SVIL: variants seen among roughly 807,000 people sequenced by gnomAD.
The protein encoded by SVIL is archvillin.
A neutral mutation model predicts 240.4 loss-of-function variants in SVIL; 101 were observed. The ratio of observed to expected loss-of-function variants is 0.42; its 90% confidence interval spans 0.36 to 0.50. The LOEUF (loss-of-function observed/expected upper bound fraction) is 0.50. SVIL is among the 20% of genes least tolerant of loss of function. The pLI, the probability that SVIL is intolerant of heterozygous loss-of-function variation, is 0.01. For synonymous variants in SVIL, 999 were observed against 1,100.0 expected, an observed-to-expected ratio of 0.91 and a Z score of 1.82; for missense variants, 2,512 against 2,818.7, an observed-to-expected ratio of 0.89 and a Z score of 2.46.
At chr10:29,465,463 C>G (rs1442280887) in intron 34 of SVIL, 132 bp downstream of exon 34, 1 of 1,132,226 alleles carries the variant, frequency 8.8e-7, no homozygotes, top group African/African-American at 1.6e-5. Context: ...AGAGTGTAAG[C>G]ACATGTTCTG....
In SVIL at chr10:29,458,019, T is replaced by A. The variant is rs1943756434; in HGVS notation, c.*228A>T. The A allele has an allele frequency of 4.2e-6, 2 of 472,944 alleles. No individual in the cohort carries two copies. Among genetic ancestry groups the A allele is most frequent in the Non-Finnish European group, 7.4e-6 (2 of 269,238 alleles). The allele number at this position is 472,944 out of a possible 1,614,324, so 29.3% of individuals were successfully genotyped here. Reference sequence around the variant, plus strand: ...AAGTGCACATAACAGATACTTTTATTAATTCTGATAACCTCCTGAATGGTG... The same window carrying A: ...AAGTGCACATAACAGATACTTTTATAAATTCTGATAACCTCCTGAATGGTG... On this transcript the variant is annotated 3_prime_UTR_variant, in exon 38 of 38. Coordinates refer to ENST00000355867, the MANE Select transcript of SVIL (RefSeq NM_021738.3).
intron 1 of SVIL, among the ~76,000 whole-genome samples, chr10:29,617,545 C>A (rs1283649001): frequency 6.7e-6 from 1 of 149,722 alleles, no homozygotes; most frequent in Non-Finnish European, 1.5e-5. Flanking sequence ...CGTGCCACTG[C>A]ACTCCAGCCT....
At chr10:29,549,712 G>A (rs1421576556) in intron 6 of SVIL, among the ~76,000 whole-genome samples, 2 of 142,842 alleles carry the variant, frequency 1.4e-5, no homozygotes, top group Admixed American at 7.1e-5. Flanking sequence ...ATGAGTTCAT[G>A]TCCTTTGCAG....
chr10:29,555,126 A>G lies in SVIL; in HGVS notation c.-50-18T>C. The G allele has an allele frequency of 1.9e-6, 3 of 1,598,650 alleles. No homozygotes were observed. Among genetic ancestry groups the G allele is most frequent in the Admixed American group, 1.8e-5 (1 of 55,994 alleles). On this transcript the variant is annotated intron_variant, in intron 3 of 37. Coordinates refer to ENST00000355867, the MANE Select transcript of SVIL (RefSeq NM_021738.3). ...TTCTGCAACTGGAAGAAAACCAAAA[A>G]AGAACAAAATATAGTATTTAGTAGT... is the stretch of plus-strand genomic sequence containing the variant.
intron 16 of SVIL, among the ~76,000 whole-genome samples, chr10:29,521,277 CATTGTGGTTTAGT>C (rs1950547623): frequency 6.7e-6 from 1 of 150,340 alleles, no homozygotes; most frequent in Admixed American, 6.6e-5. Flanking sequence ...GAAGACTTTT[CATTGTGGTTTAGT>C]ATAGTCTTAG....
chr10:29,555,048 T>C lies in SVIL; in HGVS notation c.8+3A>G, dbSNP rs1953776772. ...TTCCTAACTCCCACTATAAAGATCT[T>C]ACCTTTTCATTTCTAAGAATTCTTT... On this transcript the variant is annotated splice_donor_region_variant and intron_variant, in intron 4 of 37. Transcript: ENST00000355867. 2 of 1,613,134 alleles carry C rather than the reference T, an allele frequency of 1.2e-6. No individual in the cohort carries two copies.
chr10:29,692,935 G>A (rs1040146708), intron 1 of SVIL, among the ~76,000 whole-genome samples: 4 of 152,120 alleles, frequency 2.6e-5, no homozygotes, highest in Non-Finnish European at 4.4e-5. Flanking sequence ...CGCTGACATA[G>A]TCCTTAACCA....
chr10:29,644,669 TGAAAGAAA>T (rs541236983), intron 3 of SVIL, among the ~76,000 whole-genome samples: 3 of 151,888 alleles, frequency 2.0e-5, no homozygotes, highest in African/African-American at 7.3e-5. Flanking sequence ...AGATTCCACC[TGAAAGAAA>T]GAAAGAAAGA....
At chr10:29,590,263 A>C (rs1302540858) in intron 1 of SVIL, among the ~76,000 whole-genome samples, 1 of 151,164 alleles carries the variant, frequency 6.6e-6, no homozygotes, top group Non-Finnish European at 1.5e-5. Flanking sequence ...ATATTACCAG[A>C]CCTCCTGTCC....
rs947790055 is a variant in SVIL, at chr10:29,469,980, C to T, written c.5843+296G>A. 5.9e-5 allele frequency among the ~76,000 whole-genome samples: 9 copies of T among 152,314 alleles called. No homozygotes were observed. The South Asian group carries it at 6.2e-4, about 11-fold the overall frequency. On this transcript the variant is annotated intron_variant, in intron 32 of 37. Coordinates refer to ENST00000355867, the MANE Select transcript of SVIL (RefSeq NM_021738.3). ...CCAGGCTTCTCATCCAAAAGCTGAA[C>T]GGCAACTATGAAGAAAGAACCCAGA...
intron 1 of SVIL, among the ~76,000 whole-genome samples, chr10:29,574,397 T>A (rs999035211): frequency 3.9e-5 from 6 of 152,094 alleles, no homozygotes; most frequent in Non-Finnish European, 8.8e-5. Flanking sequence ...CCATGGTACA[T>A]GCCATGTCAT....
At chr10:29,709,804 G>A (rs1406570283) in intron 1 of SVIL, among the ~76,000 whole-genome samples, 1 of 152,118 alleles carries the variant, frequency 6.6e-6, no homozygotes, top group Non-Finnish European at 1.5e-5. Context: ...CACCCAGCCG[G>A]CTCCCAGCAA....
chr10:29,568,038 A>T (rs1955127878), intron 2 of SVIL, among the ~76,000 whole-genome samples: 1 of 151,762 alleles, frequency 6.6e-6, no homozygotes, highest in African/African-American at 2.4e-5. Flanking sequence ...CAAAAAAAAA[A>T]ACAAAAACAG....
At chr10:29,538,866 T>G (rs1334645202) in intron 6 of SVIL, among the ~76,000 whole-genome samples, 1 of 152,216 alleles carries the variant, frequency 6.6e-6, no homozygotes, top group Admixed American at 6.5e-5. Context: ...ATGTATGTAA[T>G]AAGAAACAAA....
In SVIL at chr10:29,467,868, G is replaced by C; in HGVS notation, c.5851C>G (p.Leu1951Val). 2 of 1,614,098 alleles carry C rather than the reference G, an allele frequency of 1.2e-6. No homozygotes were observed. Among genetic ancestry groups the C allele is most frequent in the Non-Finnish European group, 8.5e-7 (1 of 1,180,008 alleles). Residue 1951 changes from leucine to valine, a missense_variant, in exon 33 of 38, where the codon CTG becomes GTG. Transcript: ENST00000355867. ...CTGCTACTATGCAGTCCTGCTTCCA[G>C]GGGACATCTGCAAGGGAGAAACTCC... ...AANKIKEQCP[L>V]EAGLHSSSKV...
chr10:29,479,550 C>G (rs1564481042), intron 29 of SVIL, among the ~76,000 whole-genome samples: 1 of 152,214 alleles, frequency 6.6e-6, no homozygotes, highest in Non-Finnish European at 1.5e-5. Flanking sequence ...GCTGGCTGTT[C>G]CTGCACCTGC....
At position 29,533,152 on chromosome 10, in the gene SVIL, G is replaced by A. The variant is rs1005723454; in HGVS notation, c.1215C>T (p.Pro405=). ...ASATQNVPKP[P]SLTVLEGDGR... is the part of the protein sequence containing the mutation. ...CGTCACCTTCTAGAACCGTCAAGCT[G>A]GGAGGTTTGGGGACATTCTGGGTGG... The change falls in exon 8 of 38, where the codon CCC becomes CCT. Residue 405 remains proline (P), a synonymous_variant. Transcript: ENST00000355867. 6.2e-7 allele frequency: 1 copy of A among 1,614,140 alleles called. No individual in the cohort carries two copies. Among genetic ancestry groups the A allele is most frequent in the Non-Finnish European group, 8.5e-7 (1 of 1,180,026 alleles).
intron 1 of SVIL, among the ~76,000 whole-genome samples, chr10:29,689,736 A>AT (rs1401096592): frequency 6.6e-6 from 1 of 152,164 alleles, no homozygotes; most frequent in Non-Finnish European, 1.5e-5. Flanking sequence ...CCAAATAGCC[A>AT]TTTTTTTGAC....
chr10:29,628,272 G>A (rs1303260863), intron 1 of SVIL, among the ~76,000 whole-genome samples: 1 of 152,192 alleles, frequency 6.6e-6, no homozygotes, highest in African/African-American at 2.4e-5. Flanking sequence ...GGTTTTGGCT[G>A]GAGCGGTTTG....
Sources: allele counts gnomAD v4.1 joint callset (sites outside exome capture counted in the v4.1 genomes callset), GRCh38; gene constraint gnomAD v4.1.1; transcripts MANE v1.5; gene names NCBI Gene and HGNC (gene_info 2026-07-23, HGNC 2026-07-21).